PTPRD: variants seen among roughly 807,000 people sequenced by gnomAD.
The protein encoded by PTPRD is protein tyrosine phosphatase receptor type D.
In PTPRD, 34 loss-of-function variants were observed where a neutral mutation model predicts 214.5. That is an observed-to-expected ratio of 0.16 (90% CI 0.12 to 0.21). PTPRD has a LOEUF of 0.21. PTPRD is among the 10% of genes least tolerant of loss of function. The probability of loss-of-function intolerance (pLI) is 1.00; values close to 1 mark genes in which losing one functional copy is unlikely to be tolerated. For missense variants in PTPRD, 2,545 were observed against 2,398.7 expected (o/e 1.06, Z -1.27); for synonymous variants, 1,128 against 845.7 (o/e 1.33, Z -5.79).
At position 8,341,736 on chromosome 9, in the gene PTPRD, A is replaced by G. The variant is rs2132490168; in HGVS notation, c.4904T>C (p.Ile1635Thr). 2 of 1,613,468 alleles carry G rather than the reference A, an allele frequency of 1.2e-6. No individual in the cohort carries two copies. Among genetic ancestry groups the G allele is most frequent in the South Asian group, 1.1e-5 (1 of 91,054 alleles). Residue 1635 changes from isoleucine (I) to threonine (T), a missense_variant, in exon 40 of 46, where the codon ATA becomes ACA. Physicochemically the swap from Ile to Thr is moderately conservative, Grantham distance 89. Coordinates refer to ENST00000381196, the MANE Select transcript of PTPRD (RefSeq NM_002839.4). ...TCCTGTGACATTCTCTCCCGTTTCTATTTGTGTCAGCTTCTGAATGTAGGC... is the reference window on the plus strand; with the variant it reads ...TCCTGTGACATTCTCTCCCGTTTCTGTTTGTGTCAGCTTCTGAATGTAGGC... The part of the protein sequence containing the change: ...LYAYIQKLTQ[I>T]ETGENVTGME...
chr9:10,481,049 A>T (rs1207407487), intron 2 of PTPRD, among the ~76,000 whole-genome samples: 2 of 147,824 alleles, frequency 1.4e-5, no homozygotes, highest in Admixed American at 6.7e-5. Context: ...TTTTTTTTTT[A>T]AACAGTTCTG....
intron 11 of PTPRD, among the ~76,000 whole-genome samples, chr9:8,862,744 T>C (rs1459441053): frequency 3.3e-5 from 5 of 152,364 alleles, no homozygotes; most frequent in South Asian, 2.1e-4. Flanking sequence ...GGCAGCACTG[T>C]CCTCTTTAAG....
intron 2 of PTPRD, among the ~76,000 whole-genome samples, chr9:10,585,056 A>AT (rs1429277997): frequency 4.6e-5 from 7 of 152,248 alleles, no homozygotes; most frequent in African/African-American, 1.7e-4. Flanking sequence ...ATGTATTGTG[A>AT]TTTTGACTCC....
chr9:9,155,575 G>C (rs1359426659), intron 10 of PTPRD, among the ~76,000 whole-genome samples: 2 of 152,134 alleles, frequency 1.3e-5, no homozygotes, highest in African/African-American at 4.8e-5. Context: ...CTCTCAGTAT[G>C]ATGGTAAATT....
At chr9:10,093,392 C>G (rs72694843) in intron 3 of PTPRD, among the ~76,000 whole-genome samples, 1 of 151,090 alleles carries the variant, frequency 6.6e-6, no homozygotes, top group Non-Finnish European at 1.5e-5. Context: ...ACTCACAATG[C>G]GACAGTTTCT....
At chr9:9,414,349 G>A (rs930633705) in intron 8 of PTPRD, among the ~76,000 whole-genome samples, 4 of 152,178 alleles carry the variant, frequency 2.6e-5, no homozygotes, top group African/African-American at 4.8e-5. Context: ...TTTGAAAGAG[G>A]CAAGATTGGC....
intron 11 of PTPRD, among the ~76,000 whole-genome samples, chr9:8,757,625 T>TATATATATATATATACATACATATATAC (rs1565834917): frequency 6.9e-6 from 1 of 144,026 alleles, no homozygotes; most frequent in African/African-American, 2.7e-5. Context: ...ATTCTGCATA[T>TATATATATATATATACATACATATATAC]ATATATATAT....
intron 7 of PTPRD, among the ~76,000 whole-genome samples, chr9:9,579,194 A>G (rs1036092768): frequency 6.6e-6 from 1 of 152,130 alleles, no homozygotes; most frequent in African/African-American, 2.4e-5. Flanking sequence ...TATGAGTCTA[A>G]TATCATCTTA....
At chr9:8,646,899 C>T (rs544280308) in intron 12 of PTPRD, among the ~76,000 whole-genome samples, 1 of 152,222 alleles carries the variant, frequency 6.6e-6, no homozygotes, top group East Asian at 1.9e-4. Flanking sequence ...CTGGACTATA[C>T]ACTTTTGAGT....
chr9:9,832,706 C>T (rs1253422577), intron 5 of PTPRD, among the ~76,000 whole-genome samples: 2 of 151,950 alleles, frequency 1.3e-5, no homozygotes, highest in Non-Finnish European at 2.9e-5. Flanking sequence ...GACATAGACA[C>T]TTTCCTATCA....
chr9:9,332,849 C>G (rs1226195354), intron 9 of PTPRD, among the ~76,000 whole-genome samples: 1 of 151,876 alleles, frequency 6.6e-6, no homozygotes, highest in African/African-American at 2.4e-5. Context: ...ATTCCTGATA[C>G]TTTCATCAAG....
intron 11 of PTPRD, among the ~76,000 whole-genome samples, chr9:8,845,742 G>A (rs1400388320): frequency 6.6e-6 from 1 of 152,220 alleles, no homozygotes; most frequent in Non-Finnish European, 1.5e-5. Flanking sequence ...CCCAAAAAAA[G>A]TGTGTGCTTC....
intron 8 of PTPRD, among the ~76,000 whole-genome samples, chr9:9,513,660 C>T (rs919378767): frequency 5.9e-5 from 9 of 151,552 alleles, no homozygotes; most frequent in African/African-American, 1.9e-4. Context: ...TCTTCTCCTT[C>T]CCCAAACCTT....
intron 7 of PTPRD, among the ~76,000 whole-genome samples, chr9:9,627,231 T>A (rs1045629730): frequency 6.6e-6 from 1 of 152,174 alleles, no homozygotes; most frequent in African/African-American, 2.4e-5. Context: ...CGCTTGAATC[T>A]GAGAAGCAGA....
At chr9:8,546,789 C>T (rs1282229166) in intron 14 of PTPRD, among the ~76,000 whole-genome samples, 5 of 152,194 alleles carry the variant, frequency 3.3e-5, no homozygotes, top group Non-Finnish European at 7.3e-5. Context: ...GCGTGAGCCA[C>T]CGCACCTGGC....
At chr9:9,375,803 T>G (rs1159774179) in intron 9 of PTPRD, among the ~76,000 whole-genome samples, 1 of 152,018 alleles carries the variant, frequency 6.6e-6, no homozygotes, top group East Asian at 1.9e-4. Context: ...GGAGGAGGAG[T>G]TATTGTTTAA....
chr9:8,388,842 G>T (rs1056044798), intron 37 of PTPRD, among the ~76,000 whole-genome samples: 17 of 152,130 alleles, frequency 1.1e-4, no homozygotes, highest in Non-Finnish European at 2.4e-4. Flanking sequence ...TTTTAAGAAA[G>T]AAAAAGTTGA....
intron 11 of PTPRD, among the ~76,000 whole-genome samples, chr9:8,975,889 G>A (rs1346414878): frequency 1.3e-5 from 2 of 151,508 alleles, no homozygotes; most frequent in Admixed American, 6.6e-5. Context: ...TATCATGACA[G>A]CATTTGTACT....
At chr9:10,557,582 T>G (rs17203373) in intron 2 of PTPRD, among the ~76,000 whole-genome samples, 1 of 152,148 alleles carries the variant, frequency 6.6e-6, no homozygotes, top group Non-Finnish European at 1.5e-5. Flanking sequence ...TCTCCAAACC[T>G]GTACAGTTTC....
Sources: gnomAD v4.1 joint callset for allele counts (sites outside exome capture counted in the v4.1 genomes callset) on GRCh38, gnomAD v4.1.1 for gene constraint, MANE v1.5 for transcripts, NCBI Gene and HGNC (gene_info 2026-07-23, HGNC 2026-07-21) for gene names.